FOXJ3: variants seen among roughly 807,000 people sequenced by gnomAD.
FOXJ3 encodes the protein forkhead box protein J3.
Under a neutral mutation model 76.1 loss-of-function variants are expected in FOXJ3, and 22 were observed. The ratio of observed to expected loss-of-function variants is 0.29; its 90% CI spans 0.21 to 0.41. FOXJ3 has a LOEUF of 0.41. Among genes scored for constraint, FOXJ3 ranks in the 10% least tolerant of loss-of-function variants. FOXJ3 has a pLI of 1.00. For missense variants in FOXJ3, 613 were observed against 762.1 expected (o/e 0.80, Z 2.30); for synonymous variants, 269 against 261.2 (o/e 1.03, Z -0.29).
At chr1:42,331,932 T>A (rs1445264739) in intron 1 of FOXJ3, among the ~76,000 whole-genome samples, 1 of 152,130 alleles carries the variant, frequency 6.6e-6, no homozygotes, top group East Asian at 1.9e-4. Context: ...ATACTAATAA[T>A]TACCATATCA....
intron 2 of FOXJ3, among the ~76,000 whole-genome samples, chr1:42,290,353 C>T (rs927315076): frequency 6.6e-6 from 1 of 152,150 alleles, no homozygotes; most frequent in African/African-American, 2.4e-5. Flanking sequence ...AACAGACCTT[C>T]TGTTGTAACA....
chr1:42,198,125 C>T (rs1265878666), intron 7 of FOXJ3, among the ~76,000 whole-genome samples: 1 of 152,146 alleles, frequency 6.6e-6, no homozygotes, highest in Non-Finnish European at 1.5e-5. Flanking sequence ...CTTCTGAAAA[C>T]TGCTTCTATA....
intron 7 of FOXJ3, 133 bp from the exon 8 acceptor site, chr1:42,195,197 C>T: frequency 1.6e-6 from 1 of 615,946 alleles, no homozygotes; most frequent in Non-Finnish European, 2.6e-6. Flanking sequence ...TTAGGCTTTC[C>T]CATCCTCTGT....
chr1:42,278,938 C>T (rs928020894), intron 2 of FOXJ3, among the ~76,000 whole-genome samples: 6 of 152,084 alleles, frequency 3.9e-5, no homozygotes, highest in African/African-American at 1.2e-4. Flanking sequence ...AAAGTGGTTC[C>T]GATGCCAATC....
chr1:42,246,964 G>A (rs1649604696), intron 4 of FOXJ3, among the ~76,000 whole-genome samples: 1 of 152,094 alleles, frequency 6.6e-6, no homozygotes, highest in South Asian at 2.1e-4. Flanking sequence ...ATATGTGGGA[G>A]GTAAAAAAGT....
At chr1:42,308,724 T>C in intron 2 of FOXJ3, among the ~76,000 whole-genome samples, 1 of 152,194 alleles carries the variant, frequency 6.6e-6, no homozygotes, top group East Asian at 1.9e-4. Flanking sequence ...GATTCTAGAA[T>C]ATTGTGCAGA....
At chr1:42,329,552 A>G (rs924768373) in intron 1 of FOXJ3, among the ~76,000 whole-genome samples, 4 of 152,226 alleles carry the variant, frequency 2.6e-5, no homozygotes, top group African/African-American at 9.6e-5. Flanking sequence ...TCACAGTTAA[A>G]GGAAGGCTGA....
intron 2 of FOXJ3, among the ~76,000 whole-genome samples, chr1:42,297,717 T>C (rs1304313572): frequency 1.3e-5 from 2 of 152,214 alleles, no homozygotes; most frequent in African/African-American, 4.8e-5. Context: ...GTGGTTTTCT[T>C]TTCTGGTTGT....
intron 3 of FOXJ3, among the ~76,000 whole-genome samples, chr1:42,273,500 C>T (rs923672645): frequency 2.6e-5 from 4 of 151,616 alleles, no homozygotes; most frequent in African/African-American, 7.3e-5. Flanking sequence ...ATGGTGAAAC[C>T]CCATCTCTAC....
At chr1:42,279,613 A>C (rs1010007758) in intron 2 of FOXJ3, among the ~76,000 whole-genome samples, 3 of 152,174 alleles carry the variant, frequency 2.0e-5, no homozygotes, top group African/African-American at 7.2e-5. Context: ...AAAGGGAGAA[A>C]GCTGCTCTAA....
chr1:42,181,399 T>C (rs911461614), intron 12 of FOXJ3, among the ~76,000 whole-genome samples: 56 of 152,170 alleles, frequency 3.7e-4, no homozygotes, highest in Non-Finnish European at 5.9e-5. Context: ...GGTACTTCCC[T>C]GGAAACTATA....
chr1:42,330,797 C>G (rs541166701), intron 1 of FOXJ3, among the ~76,000 whole-genome samples: 3 of 152,184 alleles, frequency 2.0e-5, no homozygotes, highest in Non-Finnish European at 4.4e-5. Flanking sequence ...CCTACCTGCT[C>G]CACCAATTAC....
intron 4 of FOXJ3, among the ~76,000 whole-genome samples, chr1:42,252,505 TTCTC>T (rs762815221): frequency 2.0e-5 from 3 of 152,298 alleles, no homozygotes; most frequent in East Asian, 1.9e-4. Context: ...TATTTGATTC[TTCTC>T]TCTTTTTTTC....
intron 1 of FOXJ3, among the ~76,000 whole-genome samples, chr1:42,331,560 C>G (rs1270931951): frequency 2.0e-5 from 3 of 152,062 alleles, no homozygotes; most frequent in African/African-American, 7.2e-5. Flanking sequence ...AAGTCAGACA[C>G]AAAAGACCGT....
intron 3 of FOXJ3, among the ~76,000 whole-genome samples, chr1:42,268,194 A>G (rs189878759): frequency 2.6e-5 from 4 of 152,226 alleles, no homozygotes; most frequent in Non-Finnish European, 2.9e-5. Context: ...CAAAAAAAAG[A>G]ACATCTTGAA....
At position 42,262,278 on chromosome 1, in the gene FOXJ3, C is replaced by T. The variant is rs12121458; in HGVS notation, c.444+2837G>A. 7.9e-5 allele frequency among the ~76,000 whole-genome samples: 12 copies of T among 152,268 alleles called. No individual in the cohort carries two copies. The East Asian group carries it at 1.9e-3, about 25-fold the overall frequency. ...GTTAGTTTGTATTGAGTTTCTGTGA[C>T]TGACAAGTATGTCTGGCGAATATGC... On this transcript the variant is annotated intron_variant, in intron 4 of 12. Coordinates refer to ENST00000361346, the MANE Select transcript of FOXJ3 (RefSeq NM_014947.5).
Position 42,278,278 on chromosome 1 carries a change from G to A in FOXJ3, c.369+70C>T, listed in dbSNP as rs922392271. 1.7e-5 allele frequency: 19 copies of A among 1,127,530 alleles called. No homozygotes were observed. In the African/African-American group the frequency reaches 3.0e-4, roughly 18 times the overall value. The allele number at this position is 1,127,530 out of a possible 1,614,324, so 69.8% of individuals were successfully genotyped here. ...ATTCAATTACATGAGCATTCACAAA[G>A]CTTTATTTTCAGTAGAAATCAACAT... On this transcript the variant is annotated intron_variant, in intron 3 of 12. Coordinates refer to ENST00000361346, the MANE Select transcript of FOXJ3 (RefSeq NM_014947.5).
chr1:42,198,629 T>C (rs1409445489), intron 7 of FOXJ3, among the ~76,000 whole-genome samples: 1 of 152,236 alleles, frequency 6.6e-6, no homozygotes, highest in Non-Finnish European at 1.5e-5. Context: ...AGCATGGCTT[T>C]TCCCCCCGTG....
At chr1:42,205,661 A>G in intron 6 of FOXJ3, 101 bp downstream of exon 6, 1 of 715,870 alleles carries the variant, frequency 1.4e-6, no homozygotes, top group Non-Finnish European at 2.4e-6. Flanking sequence ...AAATTTATAT[A>G]ATCTTTAAAC....
Sources: gnomAD v4.1 joint callset for allele counts (sites outside exome capture counted in the v4.1 genomes callset) on GRCh38, gnomAD v4.1.1 for gene constraint, MANE v1.5 for transcripts, NCBI Gene and HGNC (gene_info 2026-07-23, HGNC 2026-07-21) for gene names.